The following TANC2 variants were observed in gnomAD, a reference collection of about 807,000 sequenced individuals.
TANC2 encodes the protein tetratricopeptide repeat, ankyrin repeat and coiled-coil containing 2, also known as protein TANC2.
A neutral mutation model predicts 210.5 loss-of-function variants in TANC2; 26 were observed. The observed-to-expected ratio is 0.12, with a 90% CI of 0.09 to 0.17. The LOEUF (loss-of-function observed/expected upper bound fraction) is 0.17, where lower values mean the gene tolerates loss of function less well. Among genes scored for constraint, TANC2 ranks in the 10% least tolerant of loss-of-function variants. The pLI is 1.00. For synonymous variants in TANC2, 931 were observed against 967.1 expected (o/e 0.96, Z 0.69); for missense variants, 2,129 against 2,608.9 (o/e 0.82, Z 4.01).
chr17:63,235,316 G>A (rs2042590902), intron 7 of TANC2, among the ~76,000 whole-genome samples: 1 of 152,012 alleles, frequency 6.6e-6, no homozygotes, highest in South Asian at 2.1e-4. Context: ...AGCATAGGTT[G>A]TCTATTTTTT....
At chr17:63,132,239 G>C (rs2038943996) in intron 4 of TANC2, among the ~76,000 whole-genome samples, 1 of 151,528 alleles carries the variant, frequency 6.6e-6, no homozygotes, top group Non-Finnish European at 1.5e-5. Flanking sequence ...CCTACTACTA[G>C]GATTTTTTTT....
At chr17:63,245,049 C>T (rs2146108006) in intron 8 of TANC2, among the ~76,000 whole-genome samples, 1 of 152,240 alleles carries the variant, frequency 6.6e-6, no homozygotes, top group South Asian at 2.1e-4. Flanking sequence ...TGAAAATGGA[C>T]TAATAACAGT....
intron 7 of TANC2, among the ~76,000 whole-genome samples, chr17:63,228,989 G>A (rs868675004): frequency 1.3e-5 from 2 of 152,232 alleles, no homozygotes; most frequent in Middle Eastern, 3.4e-3. Flanking sequence ...GTGAGAGAGG[G>A]CATCCTTGTC....
chr17:63,336,253 G>A (rs555364807), intron 11 of TANC2, among the ~76,000 whole-genome samples: 1 of 152,342 alleles, frequency 6.6e-6, no homozygotes, highest in Non-Finnish European at 1.5e-5. Flanking sequence ...GAGAGTAAGC[G>A]TGTGACAGCT....
chr17:63,289,212 G>A (rs1179630049), intron 9 of TANC2, among the ~76,000 whole-genome samples: 1 of 152,106 alleles, frequency 6.6e-6, no homozygotes, highest in Non-Finnish European at 1.5e-5. Flanking sequence ...TTTGCTGTCT[G>A]ATATTAATTT....
chr17:63,370,970 C>T (rs528019944), intron 14 of TANC2, among the ~76,000 whole-genome samples: 1 of 152,338 alleles, frequency 6.6e-6, no homozygotes, highest in South Asian at 2.1e-4. Flanking sequence ...TCTTTGGAGG[C>T]CGCCAGCCAT....
chr17:63,255,381 C>T lies in TANC2; in HGVS notation c.1034-12367C>T, dbSNP rs543534685. 3.6e-3 allele frequency among the ~76,000 whole-genome samples: 552 copies of T among 152,158 alleles called. 5 individuals are homozygous for T. The highest frequency in any genetic ancestry group is 0.012 in the African/African-American group (508 of 41,508). Reference sequence around the variant, plus strand: ...TGCTGGGATTACAGGCGTGAGCCACCGCGCCCGGCCGGCAGTAGTTCTTTT... The same window carrying T: ...TGCTGGGATTACAGGCGTGAGCCACTGCGCCCGGCCGGCAGTAGTTCTTTT... On this transcript the variant is annotated intron_variant, in intron 8 of 27. Coordinates refer to ENST00000689528, the Ensembl canonical transcript of TANC2.
At chr17:63,221,456 AAAAAG>A (rs1204138713) in intron 7 of TANC2, among the ~76,000 whole-genome samples, 347 of 151,560 alleles carry the variant, frequency 2.3e-3, no homozygotes, top group African/African-American at 8.0e-3. Context: ...AAAAAAAAAA[AAAAAG>A]AAAGAAAATG....
rs190094036 is a variant in TANC2 at position 63,239,068 on chromosome 17, A to G, written c.1033+991A>G. On this transcript the variant is annotated intron_variant, in intron 8 of 27. Transcript: ENST00000689528. Reference sequence around the variant, plus strand: ...GTGGCTCATGCCTGTAGTTGCAGCAATTTGGGATGCTGAGGCAGGAGGATT... The same window carrying G: ...GTGGCTCATGCCTGTAGTTGCAGCAGTTTGGGATGCTGAGGCAGGAGGATT... 5.5e-4 allele frequency among the ~76,000 whole-genome samples: 84 copies of G among 152,002 alleles called. 1 individual carries two copies. The highest frequency in any genetic ancestry group is 2.0e-3 in the African/African-American group (83 of 41,448).
At chr17:63,118,883 C>T (rs1328984409) in intron 4 of TANC2, among the ~76,000 whole-genome samples, 3 of 151,154 alleles carry the variant, frequency 2.0e-5, no homozygotes, top group Non-Finnish European at 2.9e-5. Flanking sequence ...CCCGGGTTCA[C>T]ACCATACTCC....
intron 2 of TANC2, among the ~76,000 whole-genome samples, chr17:63,064,401 A>G (rs1246909092): frequency 6.6e-6 from 1 of 152,176 alleles, no homozygotes; most frequent in Non-Finnish European, 1.5e-5. Flanking sequence ...CAAAGCTGCA[A>G]TGAGCCATTA....
At chr17:63,349,589 C>T (rs1478626526) in intron 12 of TANC2, among the ~76,000 whole-genome samples, 1 of 152,106 alleles carries the variant, frequency 6.6e-6, no homozygotes, top group African/African-American at 2.4e-5. Flanking sequence ...ATACACAATT[C>T]CAAGCTACCA....
chr17:63,246,787 G>A (rs1310328951), intron 8 of TANC2, among the ~76,000 whole-genome samples: 2 of 152,124 alleles, frequency 1.3e-5, no homozygotes, highest in Non-Finnish European at 2.9e-5. Flanking sequence ...AAGTGTTTGG[G>A]TAGACATATG....
At chr17:63,411,777 A>T in intron 22 of TANC2, 91 bp downstream of exon 22, 2 of 1,478,260 alleles carry the variant, frequency 1.4e-6, no homozygotes, top group Non-Finnish European at 1.8e-6. Flanking sequence ...TGATGTATTG[A>T]TGATTCCTGA....
chr17:63,134,976 G>A (rs2039041492), intron 4 of TANC2, among the ~76,000 whole-genome samples: 1 of 152,168 alleles, frequency 6.6e-6, no homozygotes, highest in Non-Finnish European at 1.5e-5. Context: ...TAGCAGTTTG[G>A]GAGGCCGAGG....
At chr17:63,279,562 G>T (rs1308021104) in intron 9 of TANC2, among the ~76,000 whole-genome samples, 2 of 152,056 alleles carry the variant, frequency 1.3e-5, no homozygotes, top group East Asian at 3.9e-4. Flanking sequence ...GAGTGTAGCT[G>T]ATCTAGTAAA....
At chr17:63,301,712 A>AT (rs1486309082) in intron 9 of TANC2, among the ~76,000 whole-genome samples, 2 of 150,986 alleles carry the variant, frequency 1.3e-5, no homozygotes, top group African/African-American at 4.9e-5. Flanking sequence ...TATTTTGTTA[A>AT]TTTTTTCAAA....
At chr17:63,301,879 A>G (rs571608089) in intron 9 of TANC2, among the ~76,000 whole-genome samples, 45 of 152,180 alleles carry the variant, frequency 3.0e-4, no homozygotes, top group African/African-American at 1.0e-3. Flanking sequence ...TAGGGTGTCA[A>G]TTTGAGATCT....
chr17:63,187,645 C>A (rs1598563847), intron 5 of TANC2, among the ~76,000 whole-genome samples: 2 of 151,848 alleles, frequency 1.3e-5, no homozygotes, highest in South Asian at 2.1e-4. Context: ...GTGATGAAAA[C>A]TATAAACCCA....
Sources: gnomAD v4.1 joint callset for allele counts (sites outside exome capture counted in the v4.1 genomes callset) on GRCh38, gnomAD v4.1.1 for gene constraint, MANE v1.5 for transcripts, NCBI Gene and HGNC (gene_info 2026-07-23, HGNC 2026-07-21) for gene names.